The following RBFOX1 variants were observed in gnomAD, a reference collection of about 807,000 sequenced individuals.
The protein encoded by RBFOX1 is RNA binding protein fox-1 homolog 1.
RBFOX1 carries 8 observed loss-of-function variants against 57.7 expected under a neutral mutation model. The ratio of observed to expected loss-of-function variants is 0.14; its 90% CI spans 0.08 to 0.25. The LOEUF (loss-of-function observed/expected upper bound fraction) is 0.25. Among genes scored for constraint, RBFOX1 ranks in the 10% least tolerant of loss-of-function variants. The pLI, the probability that RBFOX1 is intolerant of heterozygous loss-of-function variation, is 1.00. For missense variants in RBFOX1, 611 were observed against 548.5 expected (o/e 1.11, Z -1.14); for synonymous variants, 326 against 222.4 (o/e 1.47, Z -4.15).
At chr16:6,576,576 C>T (rs563054107) in intron 2 of RBFOX1, among the ~76,000 whole-genome samples, 79 of 152,270 alleles carry the variant, frequency 5.2e-4, no homozygotes, top group Non-Finnish European at 9.7e-4. Flanking sequence ...TATGTTTTTA[C>T]TGAGTCCTCT....
intron 3 of RBFOX1, among the ~76,000 whole-genome samples, chr16:6,962,322 T>G (rs1399838759): frequency 6.6e-6 from 1 of 152,178 alleles, no homozygotes; most frequent in African/African-American, 2.4e-5. Context: ...CTTGAGATCC[T>G]TAGCTTAATG....
intron 1 of RBFOX1, among the ~76,000 whole-genome samples, chr16:6,074,620 T>C (rs2095874412): frequency 6.6e-6 from 1 of 152,172 alleles, no homozygotes; most frequent in Admixed American, 6.5e-5. Context: ...TTGGGCTCAA[T>C]TCTGAACGCA....
At chr16:7,005,899 C>T (rs1189177122) in intron 3 of RBFOX1, among the ~76,000 whole-genome samples, 1 of 152,200 alleles carries the variant, frequency 6.6e-6, no homozygotes, top group African/African-American at 2.4e-5. Flanking sequence ...TGAAGATACC[C>T]AGTGATATAA....
intron 1 of RBFOX1, among the ~76,000 whole-genome samples, chr16:6,250,214 C>A (rs1707994915): frequency 6.6e-6 from 1 of 152,034 alleles, no homozygotes; most frequent in Admixed American, 6.5e-5. Context: ...TCTTTTTTTC[C>A]CTTCTTCTTT....
At chr16:7,134,467 G>C (rs1046131815) in intron 4 of RBFOX1, among the ~76,000 whole-genome samples, 6 of 152,180 alleles carry the variant, frequency 3.9e-5, no homozygotes, top group African/African-American at 1.4e-4. Context: ...GCATTTTCCA[G>C]TTTGGACTCA....
At chr16:6,837,746 T>C (rs1457818796) in intron 3 of RBFOX1, among the ~76,000 whole-genome samples, 1 of 152,222 alleles carries the variant, frequency 6.6e-6, no homozygotes, top group East Asian at 1.9e-4. Flanking sequence ...TCTTTAAATG[T>C]CCATGAATAC....
At chr16:5,766,022 G>A (rs1044030554) in intron 3 of RBFOX1, among the ~76,000 whole-genome samples, 1 of 152,230 alleles carries the variant, frequency 6.6e-6, no homozygotes, top group Non-Finnish European at 1.5e-5. Context: ...CATTGGGACA[G>A]TGGGGACTAG....
intron 2 of RBFOX1, among the ~76,000 whole-genome samples, chr16:6,556,902 G>T (rs1461541198): frequency 6.6e-6 from 1 of 151,246 alleles, no homozygotes; most frequent in Non-Finnish European, 1.5e-5. Context: ...TTAACTGGAT[G>T]ATCACAGAGT....
chr16:5,626,932 C>A (rs1031158779), intron 3 of RBFOX1, among the ~76,000 whole-genome samples: 1 of 152,122 alleles, frequency 6.6e-6, no homozygotes, highest in Non-Finnish European at 1.5e-5. Flanking sequence ...ATCTACATTT[C>A]TGTTGGGATT....
At position 5,883,915 on chromosome 16, in the gene RBFOX1, A is replaced by G. The variant is rs186492326; in HGVS notation, c.351+16580A>G. Reference sequence around the variant, plus strand: ...TTTCTCCCTTTAGGGACAACACATTATCTTGTTGATTGGAAGAAATGAGGA... The same window carrying G: ...TTTCTCCCTTTAGGGACAACACATTGTCTTGTTGATTGGAAGAAATGAGGA... On this transcript the variant is annotated intron_variant, in intron 4 of 19. Coordinates refer to the RBFOX1 transcript ENST00000641259. 7.2e-5 allele frequency among the ~76,000 whole-genome samples: 11 copies of G among 152,320 alleles called. No homozygotes were observed. In the East Asian group the frequency reaches 1.9e-3, roughly 27 times the overall value.
intron 3 of RBFOX1, among the ~76,000 whole-genome samples, chr16:5,753,499 A>C (rs1460895168): frequency 6.6e-6 from 1 of 152,208 alleles, no homozygotes; most frequent in Non-Finnish European, 1.5e-5. Flanking sequence ...AATATGCGGC[A>C]ACGGAGTTGC....
At chr16:7,280,551 A>C (rs916512761) in intron 4 of RBFOX1, among the ~76,000 whole-genome samples, 1 of 152,140 alleles carries the variant, frequency 6.6e-6, no homozygotes. Context: ...GATAAAGACC[A>C]CTAGGGCTGT....
chr16:6,595,741 T>G (rs2097770957), intron 2 of RBFOX1, among the ~76,000 whole-genome samples: 1 of 152,164 alleles, frequency 6.6e-6, no homozygotes, highest in South Asian at 2.1e-4. Flanking sequence ...TCTTTGACAA[T>G]AGCCATTTTG....
intron 4 of RBFOX1, among the ~76,000 whole-genome samples, chr16:5,987,624 G>A (rs2060308210): frequency 6.6e-6 from 1 of 152,106 alleles, no homozygotes; most frequent in Non-Finnish European, 1.5e-5. Flanking sequence ...AATCACTTGA[G>A]GCCAGGAGTT....
At chr16:6,120,537 A>T (rs1327028831) in intron 1 of RBFOX1, among the ~76,000 whole-genome samples, 2 of 152,132 alleles carry the variant, frequency 1.3e-5, no homozygotes, top group African/African-American at 4.8e-5. Context: ...TCTCAGTCTC[A>T]GTTTCCACAT....
chr16:5,451,788 C>T (rs76786634), intron 1 of RBFOX1, among the ~76,000 whole-genome samples: 1 of 152,230 alleles, frequency 6.6e-6, no homozygotes, highest in East Asian at 1.9e-4. Flanking sequence ...GTGTACCAGG[C>T]TACCTGAGCT....
At chr16:7,620,201 A>G (rs138715205) in intron 10 of RBFOX1, among the ~76,000 whole-genome samples, 1 of 152,310 alleles carries the variant, frequency 6.6e-6, no homozygotes, top group East Asian at 1.9e-4. Context: ...TGATTGATTC[A>G]CTTACTGATT....
intron 1 of RBFOX1, among the ~76,000 whole-genome samples, chr16:5,376,625 C>T (rs886540518): frequency 1.1e-4 from 16 of 152,126 alleles, no homozygotes; most frequent in Non-Finnish European, 1.8e-4. Flanking sequence ...AGCTCTAAGA[C>T]GCTAGTGCAG....
At chr16:5,501,025 A>G (rs995054545) in intron 2 of RBFOX1, among the ~76,000 whole-genome samples, 1 of 152,120 alleles carries the variant, frequency 6.6e-6, no homozygotes, top group Non-Finnish European at 1.5e-5. Context: ...GCCTGAAAAA[A>G]GAAAACACGG....
Sources: gnomAD v4.1 joint callset for allele counts (sites outside exome capture counted in the v4.1 genomes callset) on GRCh38, gnomAD v4.1.1 for gene constraint, MANE v1.5 for transcripts, NCBI Gene and HGNC (gene_info 2026-07-23, HGNC 2026-07-21) for gene names.